MYO10: variants seen among roughly 807,000 people sequenced by gnomAD.
MYO10 encodes the protein myosin X.
A neutral mutation model predicts 257.3 loss-of-function variants in MYO10; 133 were observed. The observed-to-expected ratio is 0.52, with a 90% CI of 0.45 to 0.60. The LOEUF is 0.60. MYO10 is among the 20% of genes least tolerant of loss of function. The pLI, the probability that MYO10 is intolerant of heterozygous loss-of-function variation, is 0.00. For synonymous variants in MYO10, 1,104 were observed against 1,028.6 expected (o/e 1.07, Z -1.40); for missense variants, 2,399 against 2,635.7 (o/e 0.91, Z 1.97).
In MYO10 at chr5:16,666,672, A is replaced by G. The variant is rs767329238; in HGVS notation, c.*20T>C. 10 of 1,575,692 alleles carry G rather than the reference A, an allele frequency of 6.3e-6. No individual in the cohort carries two copies. In the South Asian group the frequency reaches 1.0e-4, roughly 16 times the overall value. On this transcript the variant is annotated 3_prime_UTR_variant, in exon 41 of 41. Coordinates refer to ENST00000513610, the MANE Select transcript of MYO10 (RefSeq NM_012334.3). Reference sequence around the variant, plus strand: ...GGTGGTGCGTTCAGGTAGCAAAGACAGGTGGGCTCTGTCCCGCCTTCACCT... The same window carrying G: ...GGTGGTGCGTTCAGGTAGCAAAGACGGGTGGGCTCTGTCCCGCCTTCACCT...
chr5:16,768,882 C>A (rs1740961684), intron 10 of MYO10, among the ~76,000 whole-genome samples, 192 bp downstream of exon 10: 1 of 151,788 alleles, frequency 6.6e-6, no homozygotes, highest in Non-Finnish European at 1.5e-5. Flanking sequence ...GGCCACATTG[C>A]CCAGGCTGGT....
chr5:16,670,407 AAAG>A (rs1736391250), intron 39 of MYO10, 116 bp downstream of exon 39: 11 of 874,202 alleles, frequency 1.3e-5, no homozygotes, highest in Non-Finnish European at 1.7e-5. Flanking sequence ...GGCTCGAATA[AAAG>A]AGGTTGAGAG....
chr5:16,715,389 G>A (rs906814837), intron 19 of MYO10, among the ~76,000 whole-genome samples: 3 of 97,100 alleles, frequency 3.1e-5, no homozygotes. Flanking sequence ...CCGTAAGATT[G>A]AAATTTTTTT....
At chr5:16,846,790 A>G (rs1385361192) in intron 2 of MYO10, among the ~76,000 whole-genome samples, 1 of 152,248 alleles carries the variant, frequency 6.6e-6, no homozygotes, top group Non-Finnish European at 1.5e-5. Context: ...AAGTATTGCC[A>G]TCAACATTTT....
intron 19 of MYO10, among the ~76,000 whole-genome samples, chr5:16,752,750 C>T (rs951207355): frequency 6.6e-6 from 1 of 152,228 alleles, no homozygotes; most frequent in Non-Finnish European, 1.5e-5. Flanking sequence ...CTGGTAAATA[C>T]TGCCCACCAG....
At position 16,670,925 on chromosome 5, in the gene MYO10, C is replaced by A. The variant is rs373476309; in HGVS notation, c.5484G>T (p.Gln1828His). The stretch of plus-strand genomic sequence containing the variant: ...ACTGGAGTCGCAGGGCAGCAAGAAC[C>A]TGGAGGTTTTCTTCCGGGGCTGGAT... ...GHHPAPEENL[Q>H]VLAALRLQYL... is the part of the protein sequence containing the mutation. Residue 1828 changes from glutamine to histidine, a missense_variant, in exon 39 of 41, where the codon CAG (glutamine) becomes CAT (histidine). Physicochemically the swap from Gln to His is conservative, Grantham distance 24 (BLOSUM62 0). Coordinates refer to ENST00000513610, the MANE Select transcript of MYO10 (RefSeq NM_012334.3). 5.6e-6 allele frequency: 9 copies of A among 1,613,646 alleles called. No individual in the cohort carries two copies. Among genetic ancestry groups the A allele is most frequent in the Non-Finnish European group, 7.6e-6 (9 of 1,179,736 alleles).
rs1741392981 is a variant in MYO10, at chr5:16,780,551, G to T, written c.799C>A (p.Leu267Met). The change falls in exon 8 of 41, where the codon CTG becomes ATG. Residue 267 changes from leucine (L) to methionine (M), a missense_variant. Transcript: ENST00000513610. ...ERNYHIFYALLAGLEHEEREE... is the reference protein window; with the variant it reads ...ERNYHIFYALMAGLEHEEREE... ...CTTTCTTCATGTTCCAGCCCTGCCA[G>T]CAGTGCATAAAATATGTGATAATTC... The T allele has an allele frequency of 6.3e-7, 1 of 1,584,254 alleles. No homozygotes were observed.
At chr5:16,774,249 C>T (rs908661445) in intron 9 of MYO10, among the ~76,000 whole-genome samples, 1 of 152,104 alleles carries the variant, frequency 6.6e-6, no homozygotes, top group Non-Finnish European at 1.5e-5. Context: ...AGGAGCTCAG[C>T]TTGTCACCCT....
At chr5:16,896,706 T>C (rs191465697) in intron 1 of MYO10, among the ~76,000 whole-genome samples, 1 of 152,268 alleles carries the variant, frequency 6.6e-6, no homozygotes, top group African/African-American at 2.4e-5. Flanking sequence ...AGAAGTGGAA[T>C]GACAGGAGCT....
At chr5:16,823,756 G>A (rs922861767) in intron 2 of MYO10, among the ~76,000 whole-genome samples, 10 of 148,410 alleles carry the variant, frequency 6.7e-5, no homozygotes, top group Non-Finnish European at 1.2e-4. Context: ...ACAGGCGTGA[G>A]CCACTGCGCC....
At chr5:16,773,677 A>C (rs867765870) in intron 9 of MYO10, among the ~76,000 whole-genome samples, 1 of 151,844 alleles carries the variant, frequency 6.6e-6, no homozygotes, top group South Asian at 2.1e-4. Context: ...AAAAAAAAAA[A>C]AGTGAAATAA....
intron 2 of MYO10, among the ~76,000 whole-genome samples, chr5:16,832,265 T>C (rs928221816): frequency 4.6e-5 from 7 of 152,162 alleles, no homozygotes; most frequent in Non-Finnish European, 1.0e-4. Context: ...AATACTTTTC[T>C]ATGACTCTTT....
At chr5:16,684,082 T>G (rs939615237) in intron 29 of MYO10, 147 bp from the exon 30 acceptor site, 5 of 715,540 alleles carry the variant, frequency 7.0e-6, no homozygotes, top group Admixed American at 4.8e-5. Flanking sequence ...ATGAGACGAC[T>G]CCTCTGTTGT....
At chr5:16,671,697 G>C (rs186350137) in intron 37 of MYO10, among the ~76,000 whole-genome samples, 155 bp from the exon 38 acceptor site, 1 of 152,102 alleles carries the variant, frequency 6.6e-6, no homozygotes, top group Non-Finnish European at 1.5e-5. Flanking sequence ...GGAATAAACA[G>C]AGTGAAAAAA....
chr5:16,781,820 C>A lies in MYO10; in HGVS notation c.612G>T (p.Met204Ile). 3.1e-6 allele frequency: 5 copies of A among 1,613,934 alleles called. No individual in the cohort carries two copies. The highest frequency in any genetic ancestry group is 4.2e-6 in the Non-Finnish European group (5 of 1,179,890). The stretch of plus-strand genomic sequence containing the variant: ...CGGTCTTCGCATTGCCGAAAGCTTC[C>A]ATGATGGGGCTGTGAAGACAGTGAG... ...ERAILESSPI[M>I]EAFGNAKTVY... Residue 204 changes from methionine to isoleucine, a missense_variant, in exon 6 of 41, where the codon ATG becomes ATT. Transcript: ENST00000513610.
intron 1 of MYO10, among the ~76,000 whole-genome samples, chr5:16,885,748 T>A (rs2562339): frequency 6.6e-6 from 1 of 151,724 alleles, no homozygotes; most frequent in East Asian, 1.9e-4. Context: ...GTATGACAAA[T>A]GCAGCGCTAA....
At chr5:16,931,186 G>A (rs562209972) in intron 1 of MYO10, among the ~76,000 whole-genome samples, 55 of 152,198 alleles carry the variant, frequency 3.6e-4, no homozygotes, top group Non-Finnish European at 6.0e-4. Flanking sequence ...CAGGAGAATC[G>A]CTTGAACCCG....
At position 16,873,191 on chromosome 5, in the gene MYO10, A is replaced by C. The variant is rs973337587; in HGVS notation, c.120+4418T>G. On this transcript the variant is annotated intron_variant, in intron 2 of 40. Coordinates refer to ENST00000513610, the MANE Select transcript of MYO10 (RefSeq NM_012334.3). ...TGAGGGTACAGGTATTGGGTAAATA[A>C]AGCCATTCCAAATAGGAGAAATTGG... is the stretch of plus-strand genomic sequence containing the variant. Among the ~76,000 whole-genome samples the C allele has an allele frequency of 5.9e-5, 9 of 152,218 alleles. 1 individual carries two copies. Among genetic ancestry groups the C allele is most frequent in the Admixed American group, 5.9e-4 (9 of 15,274 alleles).
Position 16,790,895 on chromosome 5 carries a change from T to TTATATATATA in MYO10, c.467+3741_467+3750dup, listed in dbSNP as rs576552609. On this transcript the variant is annotated intron_variant, in intron 4 of 40. Coordinates refer to ENST00000513610, the MANE Select transcript of MYO10 (RefSeq NM_012334.3). ...TGGAAAATTCAAGTAAGTTTTAAAT[T>TTATATATATA]TATATATATATATATATACACACAC... Among the ~76,000 whole-genome samples the TTATATATATA allele has an allele frequency of 3.2e-3, 463 of 144,442 alleles. 3 individuals are homozygous for TTATATATATA. The highest frequency in any genetic ancestry group is 0.011 in the African/African-American group (447 of 38,880). The allele number at this position is 144,442 out of a possible 152,430, so 94.8% of individuals were successfully genotyped here. A position where few individuals can be genotyped will look rare whatever the true frequency, so the allele number is the denominator to read the frequency against.
Sources: gnomAD v4.1 joint callset for allele counts (sites outside exome capture counted in the v4.1 genomes callset) on GRCh38, gnomAD v4.1.1 for gene constraint, MANE v1.5 for transcripts, NCBI Gene and HGNC (gene_info 2026-07-23, HGNC 2026-07-21) for gene names.